GATA3: variants seen among roughly 807,000 people sequenced by gnomAD.
The protein encoded by GATA3 is GATA binding protein 3.
Under a neutral mutation model 36.0 loss-of-function variants are expected in GATA3, and 6 were observed. That is an observed-to-expected ratio of 0.17 (90% CI 0.09 to 0.33). The LOEUF is 0.33. GATA3 is among the 10% of genes least tolerant of loss of function. The pLI is 1.00. For synonymous variants in GATA3, 326 were observed against 273.0 expected (o/e 1.19, Z -1.92); for missense variants, 514 against 610.1 (o/e 0.84, Z 1.66).
Position 8,073,827 on chromosome 10 carries a change from A to G in GATA3, c.1139A>G (p.His380Arg), listed in dbSNP as rs1224911990. The part of the protein sequence containing the change: ...SSKSKKCKKV[H>R]DSLEDFPKNS... ...AAATCCAAAAAGTGCAAAAAAGTGC[A>G]TGACTCACTGGAGGACTTCCCCAAG... is the stretch of plus-strand genomic sequence containing the variant. Residue 380 changes from histidine to arginine, a missense_variant, in exon 6 of 6, where the codon CAT becomes CGT. Around this residue, in one of 3 missense-constraint regions of GATA3, gnomAD observed 89 missense variants for 104.2 expected, o/e 0.85. Coordinates refer to ENST00000379328, the MANE Select transcript of GATA3 (RefSeq NM_001002295.2). 2.5e-6 allele frequency: 4 copies of G among 1,614,084 alleles called. No homozygotes were observed. The highest frequency in any genetic ancestry group is 2.2e-5 in the South Asian group (2 of 91,088).
Position 8,058,570 on chromosome 10 carries a change from C to A in GATA3, c.507C>A (p.Thr169=), listed in dbSNP as rs1239082325. ...TCTCCCCGGACCCATCGCTGTCCAC[C>A]CCAGGCTCGGCCGGCTCGGCCCGGC... The part of the protein sequence containing the change: ...KDVSPDPSLS[T]PGSAGSARQD... Residue 169 remains threonine, a synonymous_variant, in exon 3 of 6, where the codon ACC becomes ACA. Coordinates refer to ENST00000379328, the MANE Select transcript of GATA3 (RefSeq NM_001002295.2). 3 of 1,612,742 alleles carry A rather than the reference C, an allele frequency of 1.9e-6. No individual in the cohort carries two copies. Among genetic ancestry groups the A allele is most frequent in the South Asian group, 1.1e-5 (1 of 91,080 alleles).
intron 3 of GATA3, among the ~76,000 whole-genome samples, chr10:8,059,287 C>T (rs1237152479): frequency 6.6e-6 from 1 of 152,232 alleles, no homozygotes; most frequent in Non-Finnish European, 1.5e-5. Flanking sequence ...GTCATTCTGA[C>T]TGTTCCTCTC....
rs939525056 is a variant in GATA3, at chr10:8,056,034, T to C, written c.241+138T>C. 126 of 1,236,390 alleles carry C rather than the reference T, an allele frequency of 1.0e-4. No homozygotes were observed. In the East Asian group the frequency reaches 1.1e-3, roughly 11 times the overall value. The allele number at this position is 1,236,390 out of a possible 1,614,324, so 76.6% of individuals were successfully genotyped here. A position where few individuals can be genotyped will look rare whatever the true frequency, so the allele number is the denominator to read the frequency against. On this transcript the variant is annotated intron_variant, in intron 2 of 5. Transcript: ENST00000379328. ...CGTTCCTGGTTCATTTACAAAAAAATTGGGGCCCGGAAATGGGCGAGGAAG... is the reference window on the plus strand; with the variant it reads ...CGTTCCTGGTTCATTTACAAAAAAACTGGGGCCCGGAAATGGGCGAGGAAG...
At chr10:8,050,312 T>C (rs1488159646), upstream of GATA3, 1 of 152,290 alleles carries the variant, frequency 6.6e-6, no homozygotes, top group African/African-American at 2.4e-5. Flanking sequence ...GCCGGGCCGC[T>C]CTCGGCTGCC....
intron 2 of GATA3, among the ~76,000 whole-genome samples, chr10:8,057,903 C>A (rs903295036): frequency 6.6e-6 from 1 of 152,128 alleles, no homozygotes; most frequent in African/African-American, 2.4e-5. Context: ...AGTCAGGGAA[C>A]TCAGGGCCAT....
Position 8,055,839 on chromosome 10 carries a change from C to A in GATA3, c.184C>A (p.Pro62Thr), listed in dbSNP as rs1320708723. 6.3e-7 allele frequency: 1 copy of A among 1,584,260 alleles called. No individual in the cohort carries two copies. The highest frequency in any genetic ancestry group is 8.6e-7 in the Non-Finnish European group (1 of 1,165,074). Residue 62 changes from proline to threonine, a missense_variant, in exon 2 of 6, where the codon CCC becomes ACC. Pro to Thr is a conservative substitution (Grantham distance 38, BLOSUM62 -1). Transcript: ENST00000379328. The surrounding 1 kb of genome is among the most constrained non-coding windows in gnomAD (Gnocchi z 5.4). ...NIDGQGNHVP[P>T]YYGNSVRATV... The stretch of plus-strand genomic sequence containing the variant: ...CGACGGTCAAGGCAACCACGTCCCG[C>A]CCTACTACGGAAACTCGGTCAGGGC...
intron 5 of GATA3, among the ~76,000 whole-genome samples, chr10:8,072,166 T>A (rs142158079): frequency 2.3e-3 from 347 of 152,292 alleles, no homozygotes; most frequent in African/African-American, 8.0e-3. Flanking sequence ...TGGGGCTTTG[T>A]TTCCTTCTCC....
chr10:8,058,346 C>A lies in GATA3; in HGVS notation c.283C>A (p.Pro95Thr). The part of the protein sequence containing the change: ...CRPPLLHGSL[P>T]WLDGGKALGS... Reference sequence around the variant, plus strand: ...CCCGCCTCTGCTTCATGGATCCCTACCCTGGCTGGACGGCGGCAAAGCCCT... The same window carrying A: ...CCCGCCTCTGCTTCATGGATCCCTAACCTGGCTGGACGGCGGCAAAGCCCT... Residue 95 changes from proline (P) to threonine (T), a missense_variant, in exon 3 of 6, where the codon CCC (proline) becomes ACC (threonine). This residue lies in a region of GATA3 where 381 missense variants were observed against 354.3 expected (regional missense o/e 1.08). Transcript: ENST00000379328. The A allele has an allele frequency of 6.2e-7, 1 of 1,613,442 alleles. No homozygotes were observed. Among genetic ancestry groups the A allele is most frequent in the East Asian group, 2.2e-5 (1 of 44,874 alleles).
At chr10:8,060,539 T>TG (rs1398451872) in intron 3 of GATA3, among the ~76,000 whole-genome samples, 1 of 150,928 alleles carries the variant, frequency 6.6e-6, no homozygotes, top group East Asian at 2.0e-4. Flanking sequence ...CTTTTTCTTT[T>TG]TTTTTTAAAG....
intron 5 of GATA3, among the ~76,000 whole-genome samples, chr10:8,070,507 C>T (rs948631946): frequency 2.0e-5 from 3 of 152,020 alleles, no homozygotes; most frequent in African/African-American, 7.3e-5. Context: ...TCTCTCTCTC[C>T]TTCCTTTTTA....
upstream of GATA3, chr10:8,052,676 T>C (rs561931509): frequency 6.6e-6 from 1 of 152,330 alleles, no homozygotes; most frequent in South Asian, 2.1e-4. Context: ...TTAGCAAAAA[T>C]GCGTGTGCAT....
At position 8,046,691 on chromosome 10, in the gene GATA3, G is replaced by GTGTGTGTGTGTGTGTGTC. The variant is rs58533845; in HGVS notation, c.-370+1177_-370+1178insGTGTGTGTGTGTGTGTCT. 1.6e-4 allele frequency among the ~76,000 whole-genome samples: 23 copies of GTGTGTGTGTGTGTGTGTC among 145,104 alleles called. 1 individual carries two copies. The highest frequency in any genetic ancestry group is 5.2e-4 in the African/African-American group (20 of 38,232). ...TGTGTGTGTGTGTGTGTGTGTGTGT[G>GTGTGTGTGTGTGTGTGTC]TCAGGGGCTTACCATGACATGTTTG... On this transcript the variant is annotated intron_variant, in intron 1 of 1. Transcript: ENST00000643001.
chr10:8,054,820 G>GCGAGCAACGCAATCTGAC lies in GATA3; in HGVS notation c.-434_-417dup, dbSNP rs1426856595. 2.6e-5 allele frequency: 4 copies of GCGAGCAACGCAATCTGAC among 151,520 alleles called. No individual in the cohort carries two copies. Among genetic ancestry groups the GCGAGCAACGCAATCTGAC allele is most frequent in the Non-Finnish European group, 4.4e-5 (3 of 67,972 alleles). The allele number at this position is 151,520 out of a possible 1,614,324, so 9.4% of individuals were successfully genotyped here. On this transcript the variant is annotated 5_prime_UTR_variant, in exon 1 of 6. Coordinates refer to ENST00000379328, the MANE Select transcript of GATA3 (RefSeq NM_001002295.2). The surrounding 1 kb of genome is among the most constrained non-coding windows in gnomAD (Gnocchi z 4.2). Reference sequence around the variant, plus strand: ...AGAGACGGAGGGAGAGCGAGACAGAGCGAGCAACGCAATCTGACCGAGCAG... The same window carrying GCGAGCAACGCAATCTGAC: ...AGAGACGGAGGGAGAGCGAGACAGAGCGAGCAACGCAATCTGACCGAGCAACGCAATCTGACCGAGCAG...
chr10:8,055,201 G>T lies in GATA3; in HGVS notation c.-369-86G>T, dbSNP rs920420141. 3.4e-5 allele frequency: 9 copies of T among 262,060 alleles called. No individual in the cohort carries two copies. In the South Asian group the frequency reaches 4.0e-4, roughly 12 times the overall value. 16.2% of individuals were successfully genotyped at this position (262,060 alleles called of 1,614,324 possible). A position where few individuals can be genotyped will look rare whatever the true frequency, so the allele number is the denominator to read the frequency against. ...GCGCTCCCGTGCGGGTCTCGGGTGC[G>T]CTGGGCGGGCGGGCGGCGCGAGGGG... On this transcript the variant is annotated intron_variant, in intron 1 of 5. Coordinates refer to ENST00000379328, the MANE Select transcript of GATA3 (RefSeq NM_001002295.2). The surrounding 1 kb of genome is among the most constrained non-coding windows in gnomAD (Gnocchi z 5.4).
chr10:8,058,369 C>A lies in GATA3; in HGVS notation c.306C>A (p.Ala102=). 1 of 1,612,972 alleles carries A rather than the reference C, an allele frequency of 6.2e-7. No individual in the cohort carries two copies. The highest frequency in any genetic ancestry group is 8.5e-7 in the Non-Finnish European group (1 of 1,179,998). Residue 102 remains alanine, a synonymous_variant, in exon 3 of 6, where the codon GCC becomes GCA. Transcript: ENST00000379328. ...GSLPWLDGGK[A]LGSHHTASPW... is the part of the protein sequence containing the mutation. Reference sequence around the variant, plus strand: ...TACCCTGGCTGGACGGCGGCAAAGCCCTGGGCAGCCACCACACCGCCTCCC... The same window carrying A: ...TACCCTGGCTGGACGGCGGCAAAGCACTGGGCAGCCACCACACCGCCTCCC...
chr10:8,067,037 A>T (rs1177063208), intron 4 of GATA3, among the ~76,000 whole-genome samples: 1 of 86,136 alleles, frequency 1.2e-5, no homozygotes, highest in Non-Finnish European at 2.4e-5. Flanking sequence ...TAGCTCTTCT[A>T]AAAAAAAAAA....
At chr10:8,059,700 G>T (rs371811058) in intron 3 of GATA3, among the ~76,000 whole-genome samples, 1 of 152,124 alleles carries the variant, frequency 6.6e-6, no homozygotes, top group Non-Finnish European at 1.5e-5. Context: ...TTATTCAGTT[G>T]GTGTCATTAC....
chr10:8,049,111 A>C (rs1832429774), upstream of GATA3, among the ~76,000 whole-genome samples: 1 of 126,738 alleles, frequency 7.9e-6, no homozygotes, highest in Non-Finnish European at 1.7e-5. Flanking sequence ...AAAAAAGAAA[A>C]AAGAAAAAGA....
At chr10:8,046,955 G>C (rs1393108271) in intron 1 of GATA3, among the ~76,000 whole-genome samples, 1 of 151,928 alleles carries the variant, frequency 6.6e-6, no homozygotes, top group African/African-American at 2.4e-5. Flanking sequence ...TGCAATCCAC[G>C]GGCCCATCCT....
Sources: gnomAD v4.1 joint callset for allele counts (sites outside exome capture counted in the v4.1 genomes callset) on GRCh38, gnomAD v4.1.1 for gene constraint, gnomAD v4.1.1 regional missense constraint, Gnocchi (gnomAD v3.1) non-coding constraint, MANE v1.5 for transcripts, NCBI Gene and HGNC (gene_info 2026-07-23, HGNC 2026-07-21) for gene names.